Variants in CREM observed in about 807,000 individuals in gnomAD.
CREM encodes cAMP responsive element modulator.
A neutral mutation model predicts 37.3 loss-of-function variants in CREM; 13 were observed. The ratio of observed to expected loss-of-function variants is 0.35; its 90% CI spans 0.23 to 0.55. The LOEUF (loss-of-function observed/expected upper bound fraction) is 0.55. Among genes scored for constraint, CREM ranks in the 20% least tolerant of loss-of-function variants. The probability of loss-of-function intolerance (pLI) is 0.88; values close to 1 mark genes in which losing one functional copy is unlikely to be tolerated. For synonymous variants in CREM, 124 were observed against 120.2 expected (o/e 1.03, Z -0.21); for missense variants, 296 against 362.3 (o/e 0.82, Z 1.49).
At chr10:35,132,849 G>T (rs945868780) in intron 1 of CREM, among the ~76,000 whole-genome samples, 1 of 152,092 alleles carries the variant, frequency 6.6e-6, no homozygotes, top group African/African-American at 2.4e-5. Flanking sequence ...AATCGACTTG[G>T]TTGAGAAGGA....
At chr10:35,135,387 A>G (rs2090287624) in intron 1 of CREM, 1 of 152,146 alleles carries the variant, frequency 6.6e-6, no homozygotes, top group African/African-American at 2.4e-5. Flanking sequence ...TTAATTTATT[A>G]TGTGTTTTAA....
chr10:35,150,685 G>T (rs1330224556), intron 3 of CREM, among the ~76,000 whole-genome samples: 4 of 151,990 alleles, frequency 2.6e-5, no homozygotes, highest in Admixed American at 6.6e-5. Context: ...GGTGGTTATG[G>T]TGGCACACGC....
chr10:35,194,113 A>G (rs1054355631), intron 6 of CREM, among the ~76,000 whole-genome samples: 5 of 149,816 alleles, frequency 3.3e-5, no homozygotes, highest in African/African-American at 9.7e-5. Flanking sequence ...AAAAAAAAAA[A>G]AAAAAAAAAA....
At position 35,148,409 on chromosome 10, in the gene CREM, G is replaced by C; in HGVS notation, c.86G>C (p.Ser29Thr). ...METVESQHDG[S>T]ITASLTESKS... Reference sequence around the variant, plus strand: ...ACAGTTGAATCCCAGCATGATGGAAGTATAACAGCTTCTTTGACAGAGAGC... The same window carrying C: ...ACAGTTGAATCCCAGCATGATGGAACTATAACAGCTTCTTTGACAGAGAGC... The change falls in exon 3 of 8, where the codon AGT becomes ACT. Residue 29 changes from serine to threonine, a missense_variant. Physicochemically the swap from Ser to Thr is moderately conservative, Grantham distance 58. This residue lies in a region of CREM where 257 missense variants were observed against 280.2 expected (regional missense o/e 0.92). Coordinates refer to ENST00000685392, the MANE Select transcript of CREM (RefSeq NM_183011.2). 1 of 1,613,616 alleles carries C rather than the reference G, an allele frequency of 6.2e-7. No individual in the cohort carries two copies.
At chr10:35,159,284 AAG>A (rs1241151775) in intron 3 of CREM, among the ~76,000 whole-genome samples, 49 of 152,264 alleles carry the variant, frequency 3.2e-4, no homozygotes, top group African/African-American at 1.1e-3. Flanking sequence ...GGAAAAAAAA[AAG>A]AACAAAGCTG....
intron 3 of CREM, among the ~76,000 whole-genome samples, chr10:35,159,968 A>G (rs1372957249): frequency 2.0e-5 from 3 of 152,220 alleles, no homozygotes; most frequent in African/African-American, 7.2e-5. Context: ...TTCATCACTT[A>G]ACAACAGGTC....
Position 35,195,146 on chromosome 10 carries a change from C to T in CREM, c.598+6758C>T, listed in dbSNP as rs187596014. Reference sequence around the variant, plus strand: ...CTAATTTGGAACACTTTATGTTGAACTGTGGTAGAGGAAACAAGACAGTTC... The same window carrying T: ...CTAATTTGGAACACTTTATGTTGAATTGTGGTAGAGGAAACAAGACAGTTC... On this transcript the variant is annotated intron_variant, in intron 6 of 7. Coordinates refer to ENST00000685392, the MANE Select transcript of CREM (RefSeq NM_183011.2). The T allele has an allele frequency of 8.1e-6, 13 of 1,608,318 alleles. No individual in the cohort carries two copies. In the East Asian group the frequency reaches 2.9e-4, roughly 36 times the overall value.
chr10:35,169,315 T>C (rs1356708870), intron 3 of CREM, among the ~76,000 whole-genome samples: 1 of 152,196 alleles, frequency 6.6e-6, no homozygotes, highest in African/African-American at 2.4e-5. Context: ...GTCCTTCACA[T>C]CCCTTGTAAG....
At chr10:35,179,869 C>G (rs925555611) in intron 5 of CREM, 1 of 152,174 alleles carries the variant, frequency 6.6e-6, no homozygotes, top group African/African-American at 2.4e-5. Context: ...TTTAATGGAC[C>G]GTTAATTCTG....
Position 35,211,342 on chromosome 10 carries a change from A to G in CREM, c.844A>G (p.Thr282Ala). 6.2e-7 allele frequency: 1 copy of G among 1,613,580 alleles called. No individual in the cohort carries two copies. Among genetic ancestry groups the G allele is most frequent in the Non-Finnish European group, 8.5e-7 (1 of 1,179,890 alleles). The change falls in exon 8 of 8, where the codon ACT becomes GCT. Residue 282 changes from threonine (T) to alanine (A), a missense_variant. Coordinates refer to ENST00000685392, the MANE Select transcript of CREM (RefSeq NM_183011.2). ...RVAVLENQNK[T>A]LIEELKALKD... ...GGCTGTGCTTGAAAACCAAAACAAG[A>G]CTCTCATTGAGGAACTCAAGGCCCT...
chr10:35,151,500 C>G (rs2092597961), intron 3 of CREM, among the ~76,000 whole-genome samples: 1 of 152,152 alleles, frequency 6.6e-6, no homozygotes, highest in South Asian at 2.1e-4. Flanking sequence ...CTCAGCCTCC[C>G]GAGTAGCTGG....
chr10:35,130,196 C>CAAAAAAAA (rs754455183), intron 1 of CREM, among the ~76,000 whole-genome samples: 1 of 67,222 alleles, frequency 1.5e-5, no homozygotes, highest in Non-Finnish European at 3.0e-5. Flanking sequence ...AACTCAGTCT[C>CAAAAAAAA]AAAAAAAAAA....
At chr10:35,133,641 A>G (rs1367267586) in intron 1 of CREM, among the ~76,000 whole-genome samples, 1 of 152,216 alleles carries the variant, frequency 6.6e-6, no homozygotes, top group Non-Finnish European at 1.5e-5. Context: ...AACTGTGTTT[A>G]TTGTCTTTCC....
chr10:35,195,274 G>A, intron 6 of CREM: 1 of 1,595,750 alleles, frequency 6.3e-7, no homozygotes, highest in East Asian at 2.2e-5. Flanking sequence ...AGTTTAGGAA[G>A]TATTCAGGAA....
intron 1 of CREM, among the ~76,000 whole-genome samples, chr10:35,134,544 C>A (rs1272405768): frequency 6.6e-6 from 1 of 152,118 alleles, no homozygotes; most frequent in Non-Finnish European, 1.5e-5. Flanking sequence ...TAATTTAATA[C>A]TATCTTTTCT....
intron 6 of CREM, among the ~76,000 whole-genome samples, chr10:35,203,734 G>A (rs538361096): frequency 2.0e-5 from 3 of 148,406 alleles, no homozygotes; most frequent in Non-Finnish European, 4.5e-5. Context: ...TTTGTTTTTT[G>A]TTTTTTTTTA....
rs145518851 is a variant in CREM, at chr10:35,165,190, G to T, written c.169-13699G>T. The stretch of plus-strand genomic sequence containing the variant: ...AGCATGGCACCAGTATCTGCTTCTA[G>T]GGAAGCCTCCAGAAGCTTCAAATCA... On this transcript the variant is annotated intron_variant, in intron 3 of 7. Coordinates refer to ENST00000685392, the MANE Select transcript of CREM (RefSeq NM_183011.2). Among the ~76,000 whole-genome samples the T allele has an allele frequency of 2.2e-4, 34 of 152,172 alleles. No individual in the cohort carries two copies. The East Asian group carries it at 4.4e-3, about 20-fold the overall frequency.
At chr10:35,160,597 A>T (rs2136358481) in intron 3 of CREM, among the ~76,000 whole-genome samples, 1 of 152,264 alleles carries the variant, frequency 6.6e-6, no homozygotes, top group South Asian at 2.1e-4. Flanking sequence ...TGTAGACTTG[A>T]TAAACATTGT....
At chr10:35,146,439 G>T (rs960045825) in intron 2 of CREM, among the ~76,000 whole-genome samples, 1 of 152,158 alleles carries the variant, frequency 6.6e-6, no homozygotes, top group African/African-American at 2.4e-5. Context: ...TCTTTAAAAC[G>T]TTTTGACAAA....
Sources: gnomAD v4.1 joint callset for allele counts (sites outside exome capture counted in the v4.1 genomes callset) on GRCh38, gnomAD v4.1.1 for gene constraint, gnomAD v4.1.1 regional missense constraint, MANE v1.5 for transcripts, NCBI Gene and HGNC (gene_info 2026-07-23, HGNC 2026-07-21) for gene names.